Variants in CELSR1 observed in about 807,000 individuals in gnomAD.
The protein encoded by CELSR1 is cadherin EGF LAG seven-pass G-type receptor 1.
Under a neutral mutation model 249.1 loss-of-function variants are expected in CELSR1, and 110 were observed. The observed-to-expected ratio is 0.44, with a 90% CI of 0.38 to 0.52. CELSR1 has a LOEUF of 0.52. CELSR1 is among the 20% of genes least tolerant of loss of function. The pLI, the probability that CELSR1 is intolerant of heterozygous loss-of-function variation, is 0.00. For synonymous variants in CELSR1, 2,113 were observed against 1,900.0 expected (o/e 1.11, Z -2.92); for missense variants, 4,109 against 4,296.4 (o/e 0.96, Z 1.22).
Position 46,399,650 on chromosome 22 carries a change from G to C in CELSR1, c.5412+67C>G. On this transcript the variant is annotated intron_variant, in intron 10 of 34. Transcript: ENST00000674500. The surrounding 1 kb of genome is among the most constrained non-coding windows in gnomAD (Gnocchi z 5.0). ...CTGGTGGGTCCTGGCACGTCAAGGGGTCATTCTGTTTTTCCCTGGGCCGGA... is the reference window on the plus strand; with the variant it reads ...CTGGTGGGTCCTGGCACGTCAAGGGCTCATTCTGTTTTTCCCTGGGCCGGA... 1 of 1,519,816 alleles carries C rather than the reference G, an allele frequency of 6.6e-7. No individual in the cohort carries two copies. Among genetic ancestry groups the C allele is most frequent in the Non-Finnish European group, 9.1e-7 (1 of 1,099,850 alleles). The allele number at this position is 1,519,816 out of a possible 1,614,324, so 94.1% of individuals were successfully genotyped here. A position where few individuals can be genotyped will look rare whatever the true frequency, so the allele number is the denominator to read the frequency against.
chr22:46,363,035 C>T lies in CELSR1; in HGVS notation c.*188G>A. On this transcript the variant is annotated 3_prime_UTR_variant, in exon 35 of 35. Coordinates refer to ENST00000674500, the MANE Select transcript of CELSR1 (RefSeq NM_001378328.1). The surrounding 1 kb of genome is among the most constrained non-coding windows in gnomAD (Gnocchi z 4.3). ...CCCTGAGCTCCTGGGAGAACCAAGA[C>T]CTTTGTGTCTGGATGATCAGTCGGG... is the stretch of plus-strand genomic sequence containing the variant. 1 of 1,256,928 alleles carries T rather than the reference C, an allele frequency of 8.0e-7. No individual in the cohort carries two copies. The highest frequency in any genetic ancestry group is 1.1e-6 in the Non-Finnish European group (1 of 884,140). The allele number at this position is 1,256,928 out of a possible 1,614,324, so 77.9% of individuals were successfully genotyped here. A position where few individuals can be genotyped will look rare whatever the true frequency, so the allele number is the denominator to read the frequency against.
rs373075126 is a variant in CELSR1 at position 46,410,607 on chromosome 22, C to T, written c.4770-46G>A. ...TCTGTGACGTCAGGGCGGGGAGAGG[C>T]GGCCACGGCGGGCTGGGCTCCGCAG... is the stretch of plus-strand genomic sequence containing the variant. On this transcript the variant is annotated intron_variant, in intron 6 of 34. Transcript: ENST00000674500. This position sits in a 1 kb window ranked among gnomAD's most constrained non-coding sequence, Gnocchi z 6.8. 112 of 1,594,534 alleles carry T rather than the reference C, an allele frequency of 7.0e-5. No individual in the cohort carries two copies. Among genetic ancestry groups the T allele is most frequent in the Middle Eastern group, 3.3e-4 (2 of 6,026 alleles).
At chr22:46,377,552 A>G in intron 23 of CELSR1, 1 of 457,602 alleles carries the variant, frequency 2.2e-6, no homozygotes, top group East Asian at 4.0e-5. Flanking sequence ...CGCCCAGGCC[A>G]TGGGAGCCTC....
At position 46,445,006 on chromosome 22, in the gene CELSR1, G is replaced by A. The variant is rs111996808; in HGVS notation, c.4184-5595C>T. The stretch of plus-strand genomic sequence containing the variant: ...GGATCACCTGAGATCAGGGGTTCGC[G>A]AGCCTGGCCAACATGGTGAAACCCA... On this transcript the variant is annotated intron_variant, in intron 2 of 34. Coordinates refer to ENST00000674500, the MANE Select transcript of CELSR1 (RefSeq NM_001378328.1). This position sits in a 1 kb window ranked among gnomAD's most constrained non-coding sequence, Gnocchi z 4.4. Among the ~76,000 whole-genome samples the A allele has an allele frequency of 1.3e-5, 2 of 152,072 alleles. No homozygotes were observed. Among genetic ancestry groups the A allele is most frequent in the African/African-American group, 2.4e-5 (1 of 41,374 alleles).
intron 5 of CELSR1, among the ~76,000 whole-genome samples, chr22:46,426,867 A>C (rs1246547275): frequency 6.6e-6 from 1 of 152,230 alleles, no homozygotes; most frequent in Non-Finnish European, 1.5e-5. Flanking sequence ...CCAAACCTGC[A>C]GGTGCTCAGG....
intron 23 of CELSR1, among the ~76,000 whole-genome samples, chr22:46,377,989 A>T (rs1389017307): frequency 6.6e-6 from 1 of 152,158 alleles, no homozygotes; most frequent in East Asian, 1.9e-4. Context: ...CACACAGGCC[A>T]TGGCCAGGCT....
chr22:46,415,567 G>C (rs1457331553), intron 5 of CELSR1, among the ~76,000 whole-genome samples: 1 of 151,582 alleles, frequency 6.6e-6, no homozygotes, highest in Non-Finnish European at 1.5e-5. Context: ...GAATATACTA[G>C]AAGCCCCTTT....
Position 46,488,485 on chromosome 22 carries a change from G to A in CELSR1, c.3545-24140C>T, listed in dbSNP as rs191796108. On this transcript the variant is annotated intron_variant, in intron 1 of 34. Coordinates refer to ENST00000674500, the MANE Select transcript of CELSR1 (RefSeq NM_001378328.1). This position sits in a 1 kb window ranked among gnomAD's most constrained non-coding sequence, Gnocchi z 4.7. Reference sequence around the variant, plus strand: ...CCAGTGAGCTCAGTGGGACGGTTCGGCAGGAACACGGCTTGAACCCACACC... The same window carrying A: ...CCAGTGAGCTCAGTGGGACGGTTCGACAGGAACACGGCTTGAACCCACACC... Among the ~76,000 whole-genome samples, 10 of 152,294 alleles carry A rather than the reference G, an allele frequency of 6.6e-5. No individual in the cohort carries two copies. The East Asian group carries it at 1.7e-3, about 26-fold the overall frequency.
At position 46,364,022 on chromosome 22, in the gene CELSR1, G is replaced by A. The variant is rs1196210079; in HGVS notation, c.9009C>T (p.Ser3003=). 5.6e-6 allele frequency: 9 copies of A among 1,609,214 alleles called. No homozygotes were observed. The highest frequency in any genetic ancestry group is 3.3e-5 in the South Asian group (3 of 90,864). The change falls in exon 34 of 35, where the codon AGC becomes AGT. Residue 3003 remains serine, a synonymous_variant. Coordinates refer to ENST00000674500, the MANE Select transcript of CELSR1 (RefSeq NM_001378328.1). ...NGVAMNVRTG[S]AQADGSDSEG... ...CAGAGTCGGAGCCATCGGCCTGGGC[G>A]CTCCCAGTGCGCACATTCATGGCCA...
chr22:46,373,001 G>A lies in CELSR1; in HGVS notation c.7641C>T (p.Ala2547=), dbSNP rs866723729. 4.3e-6 allele frequency: 7 copies of A among 1,613,100 alleles called. No individual in the cohort carries two copies. The Middle Eastern group carries it at 5.0e-4, about 114-fold the overall frequency. The change falls in exon 25 of 35, where the codon GCC becomes GCT. Residue 2547 remains alanine (A), a synonymous_variant. Coordinates refer to ENST00000674500, the MANE Select transcript of CELSR1 (RefSeq NM_001378328.1). ...CATGCAGGCTCTCCACGAGGGTCCAGGCAAAGGTGCTCATGTAGATGTAGT... is the reference window on the plus strand; with the variant it reads ...CATGCAGGCTCTCCACGAGGGTCCAAGCAAAGGTGCTCATGTAGATGTAGT... The part of the protein sequence containing the change: ...LLHYIYMSTF[A]WTLVESLHVY...
intron 1 of CELSR1, among the ~76,000 whole-genome samples, chr22:46,487,047 C>T (rs895884455): frequency 2.0e-5 from 3 of 147,590 alleles, no homozygotes; most frequent in African/African-American, 7.6e-5. Flanking sequence ...CTCACTCCCA[C>T]TCCCACTCCC....
intron 2 of CELSR1, chr22:46,462,898 G>A (rs898830696): frequency 1.3e-5 from 6 of 468,704 alleles, no homozygotes; most frequent in Non-Finnish European, 2.6e-5. Flanking sequence ...TTCAGAGGCG[G>A]GAGGATGAGT....
intron 1 of CELSR1, among the ~76,000 whole-genome samples, chr22:46,498,807 G>T (rs898739674): frequency 6.6e-6 from 1 of 151,740 alleles, no homozygotes; most frequent in East Asian, 1.9e-4. Context: ...CTAAGCCTCC[G>T]CCCCCTAACA....
At chr22:46,481,774 T>C in intron 1 of CELSR1, 1 of 403,054 alleles carries the variant, frequency 2.5e-6, no homozygotes, top group Non-Finnish European at 4.6e-6. Flanking sequence ...TTATTTGAAC[T>C]TTTCTAAATC....
At position 46,471,252 on chromosome 22, in the gene CELSR1, G is replaced by A. The variant is rs2080152497; in HGVS notation, c.3545-6907C>T. ...TGGTTCTGTCTGCATTGCTGATTTT[G>A]TTTTTTGTTTGTTTTTATAAAACTT... On this transcript the variant is annotated intron_variant, in intron 1 of 34. Coordinates refer to ENST00000674500, the MANE Select transcript of CELSR1 (RefSeq NM_001378328.1). This position sits in a 1 kb window ranked among gnomAD's most constrained non-coding sequence, Gnocchi z 4.9. Among the ~76,000 whole-genome samples, 1 of 152,132 alleles carries A rather than the reference G, an allele frequency of 6.6e-6. No homozygotes were observed. Among genetic ancestry groups the A allele is most frequent in the Non-Finnish European group, 1.5e-5 (1 of 68,008 alleles).
In CELSR1 at chr22:46,517,058, G is replaced by A. The variant is rs932455122; in HGVS notation, c.3544+16569C>T. ...ACTTCCTGAGGCTGGTGACTCTGGGGGAAGAATCCAGAGGGTCTGGCTCTG... is the reference window on the plus strand; with the variant it reads ...ACTTCCTGAGGCTGGTGACTCTGGGAGAAGAATCCAGAGGGTCTGGCTCTG... On this transcript the variant is annotated intron_variant, in intron 1 of 34. Transcript: ENST00000674500. This position sits in a 1 kb window ranked among gnomAD's most constrained non-coding sequence, Gnocchi z 5.4. Among the ~76,000 whole-genome samples, 11 of 152,340 alleles carry A rather than the reference G, an allele frequency of 7.2e-5. No individual in the cohort carries two copies. Among genetic ancestry groups the A allele is most frequent in the African/African-American group, 2.6e-4 (11 of 41,582 alleles).
chr22:46,372,824 A>G, intron 25 of CELSR1, 59 bp downstream of exon 25: 2 of 1,540,556 alleles, frequency 1.3e-6, no homozygotes, highest in Admixed American at 3.7e-5. Flanking sequence ...GCGTTCCTGC[A>G]CAGCTGGGGT....
intron 1 of CELSR1, among the ~76,000 whole-genome samples, chr22:46,470,501 C>T (rs1364002688): frequency 6.6e-6 from 1 of 152,020 alleles, no homozygotes; most frequent in Non-Finnish European, 1.5e-5. Context: ...AGGGATAAAA[C>T]GATGACATAA....
At chr22:46,461,608 C>A (rs1246247356) in intron 2 of CELSR1, among the ~76,000 whole-genome samples, 1 of 152,224 alleles carries the variant, frequency 6.6e-6, no homozygotes, top group African/African-American at 2.4e-5. Flanking sequence ...GCACAGTCCC[C>A]TCTACCCATG....
Sources: allele counts gnomAD v4.1 joint callset (sites outside exome capture counted in the v4.1 genomes callset), GRCh38; gene constraint gnomAD v4.1.1; non-coding constraint Gnocchi (gnomAD v3.1); transcripts MANE v1.5; gene names NCBI Gene and HGNC (gene_info 2026-07-23, HGNC 2026-07-21).